Variants in NBEA observed in about 807,000 individuals in gnomAD.
NBEA encodes the protein lysosomal-trafficking regulator 2.
Under a neutral mutation model 343.4 loss-of-function variants are expected in NBEA, and 44 were observed. The ratio of observed to expected loss-of-function variants is 0.13; its 90% CI spans 0.10 to 0.16. NBEA has a LOEUF of 0.16. Ranked by LOEUF, NBEA falls within the 10% of genes least tolerant of loss-of-function variation. The pLI is 1.00. For synonymous variants in NBEA, 1,175 were observed against 1,238.7 expected (o/e 0.95, Z 1.08); for missense variants, 2,555 against 3,631.3 (o/e 0.70, Z 7.62).
At chr13:35,426,986 G>T (rs1344117421) in intron 38 of NBEA, among the ~76,000 whole-genome samples, 1 of 152,108 alleles carries the variant, frequency 6.6e-6, no homozygotes, top group Non-Finnish European at 1.5e-5. Context: ...AGCTCCATCA[G>T]GTCCTTTAAG....
intron 38 of NBEA, among the ~76,000 whole-genome samples, chr13:35,353,793 A>G (rs943748136): frequency 2.0e-5 from 3 of 152,218 alleles, no homozygotes; most frequent in African/African-American, 4.8e-5. Context: ...CTTACATAGT[A>G]TCACACTGCT....
At chr13:35,400,185 T>C (rs1202811861) in intron 38 of NBEA, among the ~76,000 whole-genome samples, 2 of 110,786 alleles carry the variant, frequency 1.8e-5, no homozygotes, top group African/African-American at 7.0e-5. Flanking sequence ...TTGCCACAAC[T>C]CTTCAATTTG....
chr13:35,053,902 A>T (rs1195064523), intron 6 of NBEA, among the ~76,000 whole-genome samples: 1 of 152,130 alleles, frequency 6.6e-6, no homozygotes, highest in Non-Finnish European at 1.5e-5. Flanking sequence ...AGATGAAAAT[A>T]GGTTCAGAGA....
chr13:35,625,233 A>C (rs1031505595), intron 48 of NBEA, among the ~76,000 whole-genome samples: 1 of 152,240 alleles, frequency 6.6e-6, no homozygotes. Flanking sequence ...AAATATATCC[A>C]ACAAAGAACA....
intron 45 of NBEA, among the ~76,000 whole-genome samples, chr13:35,582,069 G>A (rs112551457): frequency 0.13 from 20,011 of 152,010 alleles, 1,448 homozygotes; most frequent in East Asian, 0.27. Flanking sequence ...GGCGAATCAT[G>A]AGGTCAGGAG....
In NBEA at chr13:35,662,400, A is replaced by G. The variant is rs115762427; in HGVS notation, c.8363-2685A>G. Among the ~76,000 whole-genome samples the G allele has an allele frequency of 6.1e-3, 933 of 152,322 alleles. 12 individuals are homozygous for G. The highest frequency in any genetic ancestry group is 0.022 in the African/African-American group (895 of 41,560). On this transcript the variant is annotated intron_variant, in intron 55 of 58. Transcript: ENST00000379939. ...GCACTGGGCCCTTTAACCCTGGGCT[A>G]CATCCATCAACTGTGATGTGACAGT...
intron 13 of NBEA, among the ~76,000 whole-genome samples, chr13:35,115,023 T>C (rs2066425636): frequency 1.3e-5 from 2 of 152,134 alleles, no homozygotes; most frequent in Non-Finnish European, 2.9e-5. Flanking sequence ...CTTAACACTT[T>C]TGTCTCTTAA....
At chr13:35,439,323 A>C (rs1457547291) in intron 39 of NBEA, among the ~76,000 whole-genome samples, 1 of 152,224 alleles carries the variant, frequency 6.6e-6, no homozygotes. Context: ...GTAGTTCCTA[A>C]AGGGGCACAG....
chr13:35,362,625 A>G (rs2040875282), intron 38 of NBEA, among the ~76,000 whole-genome samples: 1 of 151,940 alleles, frequency 6.6e-6, no homozygotes, highest in Non-Finnish European at 1.5e-5. Flanking sequence ...CCAAACAAAC[A>G]TGCTTAGGAA....
intron 47 of NBEA, among the ~76,000 whole-genome samples, chr13:35,594,331 T>A (rs539923760): frequency 6.6e-6 from 1 of 152,100 alleles, no homozygotes; most frequent in Non-Finnish European, 1.5e-5. Context: ...ATTCACATAT[T>A]TATGCTTCTC....
intron 40 of NBEA, among the ~76,000 whole-genome samples, chr13:35,468,181 C>A (rs1281618177): frequency 6.8e-6 from 1 of 147,964 alleles, no homozygotes; most frequent in Non-Finnish European, 1.5e-5. Flanking sequence ...AGCCTCTGAC[C>A]TCTGGGAACT....
At chr13:35,573,268 A>G (rs2080534442) in intron 45 of NBEA, among the ~76,000 whole-genome samples, 1 of 152,208 alleles carries the variant, frequency 6.6e-6, no homozygotes, top group African/African-American at 2.4e-5. Flanking sequence ...TTCTTTCATT[A>G]CACAAGCATT....
At chr13:35,548,183 G>T (rs1435584410) in intron 41 of NBEA, among the ~76,000 whole-genome samples, 1 of 152,132 alleles carries the variant, frequency 6.6e-6, no homozygotes, top group African/African-American at 2.4e-5. Context: ...AAGGACACAG[G>T]TTCGTTTTCA....
intron 8 of NBEA, among the ~76,000 whole-genome samples, chr13:35,068,502 C>G (rs1319124164): frequency 6.6e-6 from 1 of 152,104 alleles, no homozygotes; most frequent in East Asian, 1.9e-4. Flanking sequence ...AATTCAGTCA[C>G]TGTTTTTTTG....
intron 48 of NBEA, among the ~76,000 whole-genome samples, chr13:35,623,055 G>T (rs1190023038): frequency 6.6e-6 from 1 of 152,050 alleles, no homozygotes; most frequent in Admixed American, 6.6e-5. Flanking sequence ...CCAGGGTAGA[G>T]CTCTGGATTG....
chr13:35,067,057 A>G (rs2152572142), intron 8 of NBEA, among the ~76,000 whole-genome samples: 2 of 152,072 alleles, frequency 1.3e-5, no homozygotes, highest in South Asian at 4.2e-4. Flanking sequence ...ATAGAGCTCT[A>G]TTTGTTTTCT....
At chr13:34,982,764 T>C (rs892221565) in intron 1 of NBEA, among the ~76,000 whole-genome samples, 5 of 152,230 alleles carry the variant, frequency 3.3e-5, no homozygotes, top group Non-Finnish European at 7.3e-5. Flanking sequence ...TTGGTTGTAA[T>C]GTTTCTAAGC....
intron 33 of NBEA, among the ~76,000 whole-genome samples, chr13:35,225,701 C>G (rs1275511321): frequency 6.6e-6 from 1 of 151,996 alleles, no homozygotes; most frequent in African/African-American, 2.4e-5. Context: ...TGATTTTTTT[C>G]TTGCCAGCTT....
At chr13:34,947,438 C>T (rs1002688338) in intron 1 of NBEA, among the ~76,000 whole-genome samples, 3 of 152,228 alleles carry the variant, frequency 2.0e-5, no homozygotes, top group Admixed American at 6.5e-5. Flanking sequence ...CTAACAGACC[C>T]AGTGCCCGTT....
Sources: allele counts gnomAD v4.1 joint callset (sites outside exome capture counted in the v4.1 genomes callset), GRCh38; gene constraint gnomAD v4.1.1; transcripts MANE v1.5; gene names NCBI Gene and HGNC (gene_info 2026-07-23, HGNC 2026-07-21).